Variants in FRMPD4 observed in about 807,000 individuals in gnomAD.
FRMPD4 encodes the protein FERM and PDZ domain containing 4.
Under a neutral mutation model 94.1 loss-of-function variants are expected in FRMPD4, and 22 were observed. The ratio of observed to expected loss-of-function variants is 0.23; its 90% CI spans 0.17 to 0.33. The LOEUF (loss-of-function observed/expected upper bound fraction) is 0.33, where lower values mean the gene tolerates loss of function less well. FRMPD4 is among the 10% of genes least tolerant of loss of function. The probability of loss-of-function intolerance (pLI) is 1.00; values close to 1 mark genes in which losing one functional copy is unlikely to be tolerated. For synonymous variants in FRMPD4, 631 were observed against 548.6 expected (o/e 1.15, Z -2.10); for missense variants, 1,111 against 1,339.9 (o/e 0.83, Z 2.67).
At chrX:11,880,906 G>A (rs182761251) in intron 3 of FRMPD4, among the ~76,000 whole-genome samples, 1 of 112,217 alleles carries the variant, frequency 8.9e-6, no homozygotes, top group Non-Finnish European at 1.9e-5. Context: ...ACCTCCCAAA[G>A]TGTTGGGATT....
chrX:12,257,332 TA>T (rs201266317), intron 1 of FRMPD4, among the ~76,000 whole-genome samples: 2,777 of 111,670 alleles, frequency 0.025, 88 homozygotes, highest in African/African-American at 0.085. Context: ...TCTACCACCT[TA>T]CAAATTGTAA....
At chrX:11,892,733 G>A (rs191428943) in intron 3 of FRMPD4, among the ~76,000 whole-genome samples, 1 of 111,919 alleles carries the variant, frequency 8.9e-6, no homozygotes, top group African/African-American at 3.2e-5. Context: ...GTCTGAGAGA[G>A]GCCAGCAAGG....
intron 3 of FRMPD4, among the ~76,000 whole-genome samples, chrX:12,002,421 G>A (rs940101932): frequency 1.8e-5 from 2 of 112,116 alleles, no homozygotes; most frequent in Non-Finnish European, 3.8e-5. Context: ...ATTACAGGAT[G>A]ATGCTATGGA....
chrX:12,498,992 T>C (rs754804171), intron 2 of FRMPD4, among the ~76,000 whole-genome samples, 196 bp downstream of exon 2: 1 of 111,038 alleles, frequency 9.0e-6, no homozygotes, highest in East Asian at 2.8e-4. Flanking sequence ...TATATTTCTA[T>C]ATATTGTGAT....
At chrX:12,293,230 C>T in intron 1 of FRMPD4, among the ~76,000 whole-genome samples, 1 of 112,293 alleles carries the variant, frequency 8.9e-6, no homozygotes, top group Non-Finnish European at 1.9e-5. Flanking sequence ...AGAAATAGTT[C>T]TGGCAAGTAG....
chrX:12,136,890 AACAC>A (rs376427153), upstream of FRMPD4, among the ~76,000 whole-genome samples: 7,683 of 97,487 alleles, frequency 0.079, 260 homozygotes, highest in South Asian at 0.088. Context: ...TCTACGTTAA[AACAC>A]ACACACACAC....
intron 1 of FRMPD4, among the ~76,000 whole-genome samples, chrX:12,195,732 C>A (rs995040760): frequency 9.0e-6 from 1 of 111,456 alleles, no homozygotes; most frequent in African/African-American, 3.3e-5. Flanking sequence ...CAAGGACCAA[C>A]CCTGCAAGCC....
intron 1 of FRMPD4, among the ~76,000 whole-genome samples, chrX:12,157,674 G>T: frequency 8.9e-6 from 1 of 111,931 alleles, no homozygotes; most frequent in Non-Finnish European, 1.9e-5. Flanking sequence ...ACCTTGGTGG[G>T]TTTACTTGTA....
At chrX:12,266,111 C>A (rs1398047276) in intron 1 of FRMPD4, among the ~76,000 whole-genome samples, 30 of 75,020 alleles carry the variant, frequency 4.0e-4, no homozygotes, top group African/African-American at 1.6e-3. Context: ...CCAGCCTGGG[C>A]GACACAGCGA....
chrX:12,247,553 T>G (rs1368157019), intron 1 of FRMPD4, among the ~76,000 whole-genome samples: 1 of 112,120 alleles, frequency 8.9e-6, no homozygotes, highest in Non-Finnish European at 1.9e-5. Flanking sequence ...GCATTTTATT[T>G]TTTTGTTTTT....
chrX:12,198,785 A>G (rs2056595365), intron 1 of FRMPD4, among the ~76,000 whole-genome samples: 2 of 112,406 alleles, frequency 1.8e-5, no homozygotes, highest in South Asian at 7.3e-4. Context: ...ATTAAAATTA[A>G]TCATTTATAG....
intron 2 of FRMPD4, among the ~76,000 whole-genome samples, chrX:12,562,984 C>G (rs961440651): frequency 3.6e-5 from 4 of 110,850 alleles, no homozygotes; most frequent in African/African-American, 1.3e-4. Context: ...AAACTTGGAG[C>G]TCAGTATGTT....
chrX:12,164,617 C>T (rs1459701648), intron 1 of FRMPD4, among the ~76,000 whole-genome samples: 40 of 112,181 alleles, frequency 3.6e-4, no homozygotes, highest in Non-Finnish European at 6.6e-4. Flanking sequence ...CCTGAGGAAT[C>T]GCCACACTGA....
intron 1 of FRMPD4, among the ~76,000 whole-genome samples, chrX:12,400,398 G>A (rs1249827260): frequency 2.7e-5 from 3 of 111,890 alleles, no homozygotes; most frequent in Admixed American, 1.9e-4. Flanking sequence ...CTACAATTAC[G>A]GGAGGAGTAT....
intron 3 of FRMPD4, among the ~76,000 whole-genome samples, chrX:12,007,596 G>C (rs1437536582): frequency 9.0e-6 from 1 of 111,141 alleles, no homozygotes; most frequent in Non-Finnish European, 1.9e-5. Flanking sequence ...GGCAAATGCT[G>C]TCATCTAAAA....
Position 12,110,327 on chromosome X carries a change from T to G in FRMPD4, c.95+232309T>G, listed in dbSNP as rs992269023. On this transcript the variant is annotated intron_variant, in intron 3 of 18. Transcript: ENST00000640291. ...GAACCAAAGACAAAAACCACATGATTATCTCAATAGATGCAGAAAACGTCT... is the reference window on the plus strand; with the variant it reads ...GAACCAAAGACAAAAACCACATGATGATCTCAATAGATGCAGAAAACGTCT... Among the ~76,000 whole-genome samples the G allele has an allele frequency of 6.2e-5, 7 of 112,465 alleles. No individual in the cohort carries two copies. The Admixed American group carries it at 6.6e-4, about 11-fold the overall frequency.
At chrX:12,338,623 G>A (rs137897023) in intron 1 of FRMPD4, among the ~76,000 whole-genome samples, 14 of 112,591 alleles carry the variant, frequency 1.2e-4, no homozygotes, top group Middle Eastern at 4.6e-3. Context: ...TGTAGGGATC[G>A]TTGCCTAGTG....
chrX:12,076,358 A>ATGTG (rs1402600708), intron 3 of FRMPD4, among the ~76,000 whole-genome samples: 8 of 83,554 alleles, frequency 9.6e-5, no homozygotes, highest in Non-Finnish European at 1.4e-4. Context: ...GTGTGTGTGT[A>ATGTG]TGTGTGTGTG....
At chrX:12,430,177 G>C (rs753059878) in intron 1 of FRMPD4, among the ~76,000 whole-genome samples, 1 of 59,234 alleles carries the variant, frequency 1.7e-5, no homozygotes, top group African/African-American at 3.9e-5. Context: ...AAAAGCTAAG[G>C]GTTGTTCTTA....
Sources: gnomAD v4.1 joint callset for allele counts (sites outside exome capture counted in the v4.1 genomes callset) on GRCh38, gnomAD v4.1.1 for gene constraint, MANE v1.5 for transcripts, NCBI Gene and HGNC (gene_info 2026-07-23, HGNC 2026-07-21) for gene names.